Variants in ZRANB3 observed in about 807,000 individuals in gnomAD.
The protein encoded by ZRANB3 is DNA annealing helicase and endonuclease ZRANB3.
ZRANB3 carries 125 observed loss-of-function variants against 133.8 expected under a neutral mutation model. The observed-to-expected ratio is 0.93, with a 90% CI of 0.81 to 1.08. The LOEUF (loss-of-function observed/expected upper bound fraction) is 1.08, where lower values mean the gene tolerates loss of function less well. ZRANB3 is among the 50% of genes least tolerant of loss of function. The pLI is 0.00. For missense variants in ZRANB3, 1,229 were observed against 1,275.5 expected (o/e 0.96, Z 0.56); for synonymous variants, 387 against 432.7 (o/e 0.89, Z 1.31).
In ZRANB3 at chr2:135,199,488, G is replaced by C. The variant is rs1693529388; in HGVS notation, c.*854C>G. The C allele has an allele frequency of 6.6e-6, 1 of 152,180 alleles. No individual in the cohort carries two copies. The highest frequency in any genetic ancestry group is 2.4e-5 in the African/African-American group (1 of 41,512). The allele number at this position is 152,180 out of a possible 1,614,324, so 9.4% of individuals were successfully genotyped here. On this transcript the variant is annotated 3_prime_UTR_variant, in exon 21 of 21. Coordinates refer to ENST00000264159, the MANE Select transcript of ZRANB3 (RefSeq NM_032143.4). ...ATTTTTTGTATTTTTAGTAGAGATGGGGTTTCACCGTATTAGCCAGGATGG... is the reference window on the plus strand; with the variant it reads ...ATTTTTTGTATTTTTAGTAGAGATGCGGTTTCACCGTATTAGCCAGGATGG...
At chr2:135,405,297 C>T (rs773074146) in intron 2 of ZRANB3, among the ~76,000 whole-genome samples, 2 of 152,184 alleles carry the variant, frequency 1.3e-5, no homozygotes, top group Non-Finnish European at 2.9e-5. Flanking sequence ...GCACCCAATA[C>T]AGGAGCACCC....
At chr2:135,274,918 G>A (rs1381310839) in intron 9 of ZRANB3, among the ~76,000 whole-genome samples, 1 of 152,240 alleles carries the variant, frequency 6.6e-6, no homozygotes, top group East Asian at 1.9e-4. Context: ...CACAGCACAT[G>A]TTTCAGAGAG....
rs113582995 is a variant in ZRANB3, at chr2:135,390,201, C to T, written c.180+601G>A. Among the ~76,000 whole-genome samples, 453 of 152,162 alleles carry T rather than the reference C, an allele frequency of 3.0e-3. 3 individuals carry two copies. Among genetic ancestry groups the T allele is most frequent in the African/African-American group, 0.01 (422 of 41,528 alleles). On this transcript the variant is annotated intron_variant, in intron 3 of 20. Coordinates refer to ENST00000264159, the MANE Select transcript of ZRANB3 (RefSeq NM_032143.4). The stretch of plus-strand genomic sequence containing the variant: ...GCCGTTTTGCTGTTATTCTTAAAGA[C>T]ATAATGAAAAACAGCAACACATTTC...
intron 2 of ZRANB3, among the ~76,000 whole-genome samples, chr2:135,500,684 C>T (rs61580589): frequency 0.11 from 15,694 of 147,286 alleles, 1,078 homozygotes; most frequent in South Asian, 0.32. Flanking sequence ...CTTGGTGATG[C>T]TATACTGTGA....
chr2:135,530,208 CAAAA>C (rs371430339), intron 1 of ZRANB3, among the ~76,000 whole-genome samples: 2 of 102,548 alleles, frequency 2.0e-5, no homozygotes, highest in Non-Finnish European at 4.3e-5. Context: ...GACTCCGTCT[CAAAA>C]AAAAAAAAAA....
intron 19 of ZRANB3, among the ~76,000 whole-genome samples, chr2:135,204,520 T>A (rs1693769773): frequency 6.6e-6 from 1 of 151,316 alleles, no homozygotes; most frequent in Non-Finnish European, 1.5e-5. Context: ...TCACTTGATG[T>A]GGTAGTGCAT....
At chr2:135,330,661 C>A (rs1017981505) in intron 6 of ZRANB3, among the ~76,000 whole-genome samples, 1 of 149,756 alleles carries the variant, frequency 6.7e-6, no homozygotes, top group Admixed American at 6.7e-5. Flanking sequence ...TGGTAGAATT[C>A]CCTGTGAATC....
At position 135,355,333 on chromosome 2, in the gene ZRANB3, T is replaced by A. The variant is rs1268519398; in HGVS notation, c.181-1705A>T. The A allele has an allele frequency of 1.1e-5, 9 of 807,302 alleles. No individual in the cohort carries two copies. In the African/African-American group the frequency reaches 1.5e-4, roughly 13 times the overall value. The allele number at this position is 807,302 out of a possible 1,614,324, so 50.0% of individuals were successfully genotyped here. On this transcript the variant is annotated intron_variant, in intron 3 of 20. Transcript: ENST00000264159. ...GATTCTGGGAACAACTTGGTTCCAA[T>A]ACAGCAGAACTTTAACAATCACAGA...
intron 2 of ZRANB3, among the ~76,000 whole-genome samples, chr2:135,473,670 T>G (rs753597676): frequency 6.6e-6 from 1 of 152,176 alleles, no homozygotes; most frequent in Non-Finnish European, 1.5e-5. Context: ...CTGGTGCCTA[T>G]GAATAGATAA....
chr2:135,212,772 A>C (rs1027580012), intron 17 of ZRANB3, among the ~76,000 whole-genome samples: 2 of 152,222 alleles, frequency 1.3e-5, no homozygotes, highest in African/African-American at 4.8e-5. Context: ...TTTTGCAAGA[A>C]AAGTGTACGT....
chr2:135,456,737 C>T (rs12328793), intron 2 of ZRANB3, among the ~76,000 whole-genome samples: 11,708 of 152,006 alleles, frequency 0.077, 1,493 homozygotes, highest in African/African-American at 0.27. Flanking sequence ...GAATTTTTTA[C>T]GTGGATACAA....
intron 2 of ZRANB3, among the ~76,000 whole-genome samples, chr2:135,497,836 G>A (rs75943101): frequency 0.044 from 6,764 of 152,004 alleles, 506 homozygotes; most frequent in African/African-American, 0.16. Context: ...ACAGATCAAC[G>A]GAGGTCAGGA....
At chr2:135,458,658 C>T (rs1574135749) in intron 2 of ZRANB3, among the ~76,000 whole-genome samples, 1 of 152,052 alleles carries the variant, frequency 6.6e-6, no homozygotes, top group Non-Finnish European at 1.5e-5. Context: ...TTCTTCCAGA[C>T]AGTCCCTAGA....
At chr2:135,494,181 G>A (rs1692552066) in intron 2 of ZRANB3, among the ~76,000 whole-genome samples, 1 of 137,710 alleles carries the variant, frequency 7.3e-6, no homozygotes, top group South Asian at 2.6e-4. Flanking sequence ...GAGGGAGGGA[G>A]GGAGGGAGGG....
intron 10 of ZRANB3, chr2:135,271,398 A>G: frequency 2.1e-6 from 1 of 474,320 alleles, no homozygotes; most frequent in Non-Finnish European, 4.4e-6. Flanking sequence ...TACAGGTCCT[A>G]ATGCAACACA....
At chr2:135,476,857 A>G (rs1394997881) in intron 2 of ZRANB3, among the ~76,000 whole-genome samples, 3 of 151,934 alleles carry the variant, frequency 2.0e-5, no homozygotes, top group Admixed American at 6.6e-5. Flanking sequence ...GGCATGTGCC[A>G]CCATGCCTGG....
intron 3 of ZRANB3, among the ~76,000 whole-genome samples, chr2:135,354,278 A>G (rs1011503544): frequency 3.9e-5 from 6 of 152,226 alleles, no homozygotes; most frequent in Non-Finnish European, 8.8e-5. Flanking sequence ...ATGTTATTTC[A>G]AAACTAGAGT....
chr2:135,226,330 A>T (rs1384542515), intron 14 of ZRANB3, among the ~76,000 whole-genome samples: 1 of 152,236 alleles, frequency 6.6e-6, no homozygotes, highest in Non-Finnish European at 1.5e-5. Flanking sequence ...CTAGAGTAGT[A>T]TGTACCACTC....
chr2:135,311,363 T>C (rs2104821446), intron 8 of ZRANB3, among the ~76,000 whole-genome samples: 1 of 152,256 alleles, frequency 6.6e-6, no homozygotes, highest in East Asian at 1.9e-4. Context: ...TCAGTAGAAA[T>C]GCAAAATAAT....
Sources: allele counts gnomAD v4.1 joint callset (sites outside exome capture counted in the v4.1 genomes callset), GRCh38; gene constraint gnomAD v4.1.1; transcripts MANE v1.5; gene names NCBI Gene and HGNC (gene_info 2026-07-23, HGNC 2026-07-21).